The following STAG1 variants were observed in gnomAD, a reference collection of about 807,000 sequenced individuals.
STAG1 encodes cohesin subunit SA-1.
In STAG1, 26 loss-of-function variants were observed where a neutral mutation model predicts 170.9. That is an observed-to-expected ratio of 0.15 (90% CI 0.11 to 0.21). The LOEUF (loss-of-function observed/expected upper bound fraction) is 0.21, where lower values mean the gene tolerates loss of function less well. Among genes scored for constraint, STAG1 ranks in the 10% least tolerant of loss-of-function variants. STAG1 has a pLI of 1.00. For missense variants in STAG1, 964 were observed against 1,509.5 expected, an observed-to-expected ratio of 0.64 and a Z score of 5.99; for synonymous variants, 514 against 497.7, an observed-to-expected ratio of 1.03 and a Z score of -0.44.
chr3:136,651,714 C>T (rs1245859477), intron 1 of STAG1, among the ~76,000 whole-genome samples: 1 of 152,002 alleles, frequency 6.6e-6, no homozygotes, highest in Non-Finnish European at 1.5e-5. Context: ...CATATGTAGA[C>T]TACCAACAGA....
At chr3:136,740,815 C>T (rs1934629118) in intron 1 of STAG1, among the ~76,000 whole-genome samples, 1 of 152,054 alleles carries the variant, frequency 6.6e-6, no homozygotes, top group South Asian at 2.1e-4. Context: ...TTCACCAGAA[C>T]AAAGACGTGG....
chr3:136,395,161 G>A (rs897093607), intron 22 of STAG1, among the ~76,000 whole-genome samples: 2 of 152,044 alleles, frequency 1.3e-5, no homozygotes, highest in African/African-American at 4.8e-5. Context: ...TATGTAATAT[G>A]ACTAATACAA....
At chr3:136,432,393 CT>C (rs919073464) in intron 16 of STAG1, among the ~76,000 whole-genome samples, 4 of 151,792 alleles carry the variant, frequency 2.6e-5, no homozygotes, top group African/African-American at 7.3e-5. Flanking sequence ...CTATTGTCTG[CT>C]TTTTTTCCTG....
chr3:136,608,757 T>C (rs1939094677), intron 3 of STAG1, among the ~76,000 whole-genome samples: 2 of 148,366 alleles, frequency 1.3e-5, no homozygotes, highest in Non-Finnish European at 3.0e-5. Flanking sequence ...TGAGCCGTGA[T>C]TGTAGCACTG....
At chr3:136,451,733 A>T (rs765659939) in intron 14 of STAG1, among the ~76,000 whole-genome samples, 1 of 152,050 alleles carries the variant, frequency 6.6e-6, no homozygotes, top group East Asian at 1.9e-4. Flanking sequence ...ACTGTACTCC[A>T]GCCTGGGTGA....
chr3:136,591,687 T>C (rs1938190547), intron 4 of STAG1: 1 of 209,858 alleles, frequency 4.8e-6, no homozygotes, highest in Non-Finnish European at 9.9e-6. Context: ...ATGATAACTA[T>C]GAAGTAGAAT....
chr3:136,354,723 A>G (rs1198538414), intron 28 of STAG1, among the ~76,000 whole-genome samples: 1 of 143,640 alleles, frequency 7.0e-6, no homozygotes, highest in Non-Finnish European at 1.5e-5. Flanking sequence ...CATACATTTA[A>G]TATAAAAGAA....
At chr3:136,672,088 C>T (rs1271347181) in intron 1 of STAG1, among the ~76,000 whole-genome samples, 1 of 152,158 alleles carries the variant, frequency 6.6e-6, no homozygotes, top group Non-Finnish European at 1.5e-5. Context: ...AAACATTTTT[C>T]TTTTCCTTGG....
At chr3:136,538,151 T>G (rs1012664947) in intron 6 of STAG1, among the ~76,000 whole-genome samples, 1 of 152,212 alleles carries the variant, frequency 6.6e-6, no homozygotes, top group South Asian at 2.1e-4. Flanking sequence ...CAGAATAGTA[T>G]GAAATATTGT....
At chr3:136,373,230 C>T (rs1937442744) in intron 23 of STAG1, among the ~76,000 whole-genome samples, 1 of 151,774 alleles carries the variant, frequency 6.6e-6, no homozygotes, top group Admixed American at 6.6e-5. Context: ...CTATTTGATT[C>T]TTCTCTCTTT....
chr3:136,423,354 TCTC>T (rs1251797144), intron 16 of STAG1, among the ~76,000 whole-genome samples: 1 of 152,200 alleles, frequency 6.6e-6, no homozygotes, highest in Non-Finnish European at 1.5e-5. Flanking sequence ...AGGGTTTTAA[TCTC>T]AGTGTGTTAA....
intron 7 of STAG1, among the ~76,000 whole-genome samples, chr3:136,504,507 C>A (rs1480036907): frequency 6.6e-6 from 1 of 152,152 alleles, no homozygotes; most frequent in Non-Finnish European, 1.5e-5. Flanking sequence ...TATTGGACTA[C>A]ACTATGAAAG....
chr3:136,450,797 T>G (rs1313953854), intron 14 of STAG1, among the ~76,000 whole-genome samples: 1 of 152,190 alleles, frequency 6.6e-6, no homozygotes, highest in Admixed American at 6.5e-5. Flanking sequence ...AAGTGTGGAG[T>G]GCAGTGGTAC....
At position 136,610,964 on chromosome 3, in the gene STAG1, T is replaced by C. The variant is rs549136644; in HGVS notation, c.133-6491A>G. Among the ~76,000 whole-genome samples the C allele has an allele frequency of 9.2e-5, 14 of 152,290 alleles. No individual in the cohort carries two copies. The South Asian group carries it at 2.9e-3, about 32-fold the overall frequency. On this transcript the variant is annotated intron_variant, in intron 3 of 33. Transcript: ENST00000383202. ...GTTTCCTTTTTTCCACATATTAATA[T>C]ATGGGTTGAGTACCCCTTATCTGAA...
chr3:136,558,070 T>C (rs1189105314), intron 5 of STAG1, among the ~76,000 whole-genome samples: 5 of 152,166 alleles, frequency 3.3e-5, no homozygotes, highest in Admixed American at 3.3e-4. Context: ...GCAATATACA[T>C]AACAAAGGAG....
chr3:136,421,876 T>C (rs941186108), intron 19 of STAG1, among the ~76,000 whole-genome samples: 8 of 151,920 alleles, frequency 5.3e-5, no homozygotes, highest in Middle Eastern at 3.2e-3. Flanking sequence ...TTTTGCCCGA[T>C]GTGGTGGCTC....
chr3:136,360,077 A>T (rs191811037), intron 26 of STAG1, among the ~76,000 whole-genome samples: 3 of 152,356 alleles, frequency 2.0e-5, no homozygotes, highest in Admixed American at 2.0e-4. Context: ...TATAAATTGC[A>T]TATCTGTTAG....
At chr3:136,498,345 T>TA (rs1296282230) in intron 9 of STAG1, among the ~76,000 whole-genome samples, 3 of 138,506 alleles carry the variant, frequency 2.2e-5, no homozygotes, top group Non-Finnish European at 4.7e-5. Context: ...CATTCAATGA[T>TA]AAAAAAAACT....
intron 28 of STAG1, among the ~76,000 whole-genome samples, chr3:136,356,328 A>G (rs748128997): frequency 6.6e-6 from 1 of 152,204 alleles, no homozygotes; most frequent in African/African-American, 2.4e-5. Context: ...TTATAGTCAT[A>G]TAAGTATTAA....
Sources: gnomAD v4.1 joint callset for allele counts (sites outside exome capture counted in the v4.1 genomes callset) on GRCh38, gnomAD v4.1.1 for gene constraint, MANE v1.5 for transcripts, NCBI Gene and HGNC (gene_info 2026-07-23, HGNC 2026-07-21) for gene names.